The following TOX3 variants were observed in gnomAD, a reference collection of about 807,000 sequenced individuals.
TOX3 encodes CAG trinucleotide repeat-containing gene F9 protein.
Under a neutral mutation model 64.3 loss-of-function variants are expected in TOX3, and 22 were observed. The observed-to-expected ratio is 0.34, with a 90% CI of 0.24 to 0.49. The LOEUF is 0.49. Ranked by LOEUF, TOX3 falls within the 20% of genes least tolerant of loss-of-function variation. The probability of loss-of-function intolerance (pLI) is 0.99; values close to 1 mark genes in which losing one functional copy is unlikely to be tolerated. For missense variants in TOX3, 661 were observed against 714.4 expected (o/e 0.93, Z 0.85); for synonymous variants, 291 against 273.6 (o/e 1.06, Z -0.63).
At chr16:52,546,005 G>T (rs1397759420) in intron 1 of TOX3, among the ~76,000 whole-genome samples, 1 of 152,196 alleles carries the variant, frequency 6.6e-6, no homozygotes. Context: ...AAAAAAATGA[G>T]AGGAAAGAAG....
chr16:52,478,768 C>T (rs942423397), intron 1 of TOX3, among the ~76,000 whole-genome samples: 1 of 152,112 alleles, frequency 6.6e-6, no homozygotes, highest in African/African-American at 2.4e-5. Context: ...TCTGTTTCCT[C>T]ACTTCTAAGG....
chr16:52,502,501 A>G (rs1478321661), intron 1 of TOX3, among the ~76,000 whole-genome samples: 3 of 152,248 alleles, frequency 2.0e-5, no homozygotes, highest in Non-Finnish European at 2.9e-5. Flanking sequence ...TCAATAGCAA[A>G]AAAGGAAAAT....
intron 3 of TOX3, among the ~76,000 whole-genome samples, chr16:52,456,060 G>A (rs1960508046): frequency 6.6e-6 from 1 of 152,206 alleles, no homozygotes; most frequent in Non-Finnish European, 1.5e-5. Context: ...GTGTGACTGG[G>A]CCAGGAAGAG....
intron 1 of TOX3, among the ~76,000 whole-genome samples, chr16:52,485,145 A>G (rs28689711): frequency 0.046 from 6,832 of 147,108 alleles, 553 homozygotes; most frequent in African/African-American, 0.16. Context: ...ATGTGTGTAT[A>G]TGTGTGTGTA....
intron 1 of TOX3, among the ~76,000 whole-genome samples, chr16:52,508,760 A>T (rs931068269): frequency 6.6e-6 from 1 of 152,182 alleles, no homozygotes; most frequent in Non-Finnish European, 1.5e-5. Context: ...AATTATTGAT[A>T]ACTTTCAACA....
intron 1 of TOX3, among the ~76,000 whole-genome samples, chr16:52,490,626 A>ATTTTTTTTTTTT (rs3086679): frequency 0.14 from 13,329 of 98,060 alleles, 1,793 homozygotes; most frequent in Non-Finnish European, 0.19. Flanking sequence ...CTAGGATGTA[A>ATTTTTTTTTTTT]TTTTTTTTTT....
intron 1 of TOX3, among the ~76,000 whole-genome samples, chr16:52,528,222 G>T (rs1962766908): frequency 6.6e-6 from 1 of 152,132 alleles, no homozygotes; most frequent in Non-Finnish European, 1.5e-5. Flanking sequence ...AATACTGATG[G>T]TAATGGTAAC....
chr16:52,538,435 A>T (rs1963006609), intron 1 of TOX3, among the ~76,000 whole-genome samples: 1 of 152,206 alleles, frequency 6.6e-6, no homozygotes, highest in South Asian at 2.1e-4. Context: ...AAAATCTCAC[A>T]ATTTGGTACA....
chr16:52,440,513 T>A (rs1959935105), intron 6 of TOX3, among the ~76,000 whole-genome samples: 1 of 152,180 alleles, frequency 6.6e-6, no homozygotes, highest in Non-Finnish European at 1.5e-5. Flanking sequence ...TACACAGCAC[T>A]ATTGTGGCAA....
rs1548910 is a variant in TOX3, at chr16:52,542,745, G to A, written c.87+3892C>T. ...TCAATATCTTACGTGAAGACCTGTC[G>A]TGATAGGATACAGGAATCTCTCAAT... On this transcript the variant is annotated intron_variant, in intron 1 of 6. Coordinates refer to ENST00000219746, the MANE Select transcript of TOX3 (RefSeq NM_001080430.4). 5.5e-3 allele frequency among the ~76,000 whole-genome samples: 837 copies of A among 152,210 alleles called. 34 individuals carry two copies. Among genetic ancestry groups the A allele is most frequent in the Admixed American group, 0.049 (754 of 15,288 alleles).
At chr16:52,494,805 T>C (rs897659464) in intron 1 of TOX3, among the ~76,000 whole-genome samples, 5 of 152,272 alleles carry the variant, frequency 3.3e-5, no homozygotes, top group African/African-American at 1.2e-4. Context: ...TCTGATTATA[T>C]GATTCTAGAG....
At chr16:52,536,124 G>A (rs1962939848) in intron 1 of TOX3, among the ~76,000 whole-genome samples, 1 of 152,152 alleles carries the variant, frequency 6.6e-6, no homozygotes, top group African/African-American at 2.4e-5. Context: ...GATGTACCAT[G>A]TGCATCAAAG....
intron 6 of TOX3, among the ~76,000 whole-genome samples, chr16:52,442,333 G>A (rs1350177454): frequency 6.6e-6 from 1 of 152,100 alleles, no homozygotes; most frequent in African/African-American, 2.4e-5. Context: ...TCTGATGCTG[G>A]GGCTGAACTC....
At chr16:52,534,153 G>A (rs753727215) in intron 1 of TOX3, among the ~76,000 whole-genome samples, 13 of 152,104 alleles carry the variant, frequency 8.5e-5, no homozygotes, top group Admixed American at 2.0e-4. Flanking sequence ...AAAGGATTCC[G>A]CAGCAAAGGC....
intron 1 of TOX3, among the ~76,000 whole-genome samples, chr16:52,535,878 T>C (rs1401030902): frequency 2.6e-5 from 4 of 152,334 alleles, no homozygotes; most frequent in Non-Finnish European, 5.9e-5. Context: ...AAAAATAAAA[T>C]GTAAACTTAA....
intron 1 of TOX3, among the ~76,000 whole-genome samples, chr16:52,528,136 C>T (rs1962763961): frequency 6.6e-6 from 1 of 152,064 alleles, no homozygotes. Flanking sequence ...GATTCTTCTC[C>T]CAGAGTCTAT....
chr16:52,507,098 C>A, intron 1 of TOX3, among the ~76,000 whole-genome samples: 1 of 152,094 alleles, frequency 6.6e-6, no homozygotes, highest in East Asian at 1.9e-4. Context: ...TACATGTACA[C>A]CTAAGACCTA....
At chr16:52,510,778 A>AAAGAAGAAG in intron 1 of TOX3, among the ~76,000 whole-genome samples, 1 of 115,164 alleles carries the variant, frequency 8.7e-6, no homozygotes, top group Admixed American at 1.0e-4. Flanking sequence ...AAAAAAAAAA[A>AAAGAAGAAG]AAGAAGAAGA....
At position 52,526,158 on chromosome 16, in the gene TOX3, A is replaced by AT. The variant is rs958731813; in HGVS notation, c.87+20478dup. ...CAATAACCAAATAAAAGAGGATGGT[A>AT]TTTTTTTCCCTCATAAATCTATTCA... is the stretch of plus-strand genomic sequence containing the variant. On this transcript the variant is annotated intron_variant, in intron 1 of 6. Coordinates refer to ENST00000219746, the MANE Select transcript of TOX3 (RefSeq NM_001080430.4). 4.1e-4 allele frequency among the ~76,000 whole-genome samples: 62 copies of AT among 152,170 alleles called. 1 individual carries two copies. The highest frequency in any genetic ancestry group is 2.6e-4 in the Admixed American group (4 of 15,278).
Sources: allele counts gnomAD v4.1 joint callset (sites outside exome capture counted in the v4.1 genomes callset), GRCh38; gene constraint gnomAD v4.1.1; transcripts MANE v1.5; gene names NCBI Gene and HGNC (gene_info 2026-07-23, HGNC 2026-07-21).